Variants in KIF26B observed in about 807,000 individuals in gnomAD.
KIF26B encodes the protein kinesin family member 26B.
Under a neutral mutation model 151.2 loss-of-function variants are expected in KIF26B, and 63 were observed. The observed-to-expected ratio is 0.42, with a 90% CI of 0.34 to 0.51. KIF26B has a LOEUF of 0.51. Among genes scored for constraint, KIF26B ranks in the 20% least tolerant of loss-of-function variants. KIF26B has a pLI of 0.07. For synonymous variants in KIF26B, 1,357 were observed against 1,262.1 expected, an observed-to-expected ratio of 1.08 and a Z score of -1.59; for missense variants, 2,813 against 2,913.6, an observed-to-expected ratio of 0.97 and a Z score of 0.79.
intron 3 of KIF26B, among the ~76,000 whole-genome samples, chr1:245,418,701 C>CT (rs1024478700): frequency 1.3e-5 from 2 of 152,002 alleles, no homozygotes; most frequent in African/African-American, 4.8e-5. Flanking sequence ...TGACATTTTT[C>CT]TTTTTTTGCA....
rs1024391915 is a variant in KIF26B, at chr1:245,482,553, C to T, written c.1167-58214C>T. Among the ~76,000 whole-genome samples the T allele has an allele frequency of 6.6e-5, 10 of 151,730 alleles. 2 individuals are homozygous for T. Among genetic ancestry groups the T allele is most frequent in the African/African-American group, 9.7e-5 (4 of 41,388 alleles). On this transcript the variant is annotated intron_variant, in intron 4 of 14. Transcript: ENST00000407071. ...CTGAGAGCTTGGGGAAAAAGCTGCC[C>T]GAGGGTACCCTGCTTTGTGTGCATG...
At chr1:245,176,661 C>T (rs1445334525) in intron 2 of KIF26B, among the ~76,000 whole-genome samples, 1 of 152,210 alleles carries the variant, frequency 6.6e-6, no homozygotes, top group Non-Finnish European at 1.5e-5. Flanking sequence ...TTCTAGGAAA[C>T]TGTGGGTCAG....
At chr1:245,502,814 A>G (rs1003387107) in intron 4 of KIF26B, among the ~76,000 whole-genome samples, 2 of 151,930 alleles carry the variant, frequency 1.3e-5, no homozygotes, top group African/African-American at 4.8e-5. Flanking sequence ...ACAGGGGGAT[A>G]TCTCTGAAAA....
At position 245,352,764 on chromosome 1, in the gene KIF26B, G is replaced by A. The variant is rs1245365021; in HGVS notation, c.466-14070G>A. 6.6e-6 allele frequency among the ~76,000 whole-genome samples: 1 copy of A among 152,106 alleles called. No individual in the cohort carries two copies. The highest frequency in any genetic ancestry group is 1.9e-4 in the East Asian group (1 of 5,194). ...TTTGGGAATCTCAACTCCTGAGCCT[G>A]TCTTACTAGTACGGGTTCCCCAACC... On this transcript the variant is annotated intron_variant, in intron 2 of 14. Transcript: ENST00000407071. The surrounding 1 kb of genome is among the most constrained non-coding windows in gnomAD (Gnocchi z 5.0).
chr1:245,396,958 AC>A, intron 3 of KIF26B, among the ~76,000 whole-genome samples: 1 of 139,958 alleles, frequency 7.1e-6, no homozygotes, highest in Admixed American at 7.0e-5. Flanking sequence ...CTACATTTCT[AC>A]TCCTTTTTTT....
intron 3 of KIF26B, among the ~76,000 whole-genome samples, chr1:245,368,680 G>A (rs373332597): frequency 3.9e-5 from 6 of 152,088 alleles, no homozygotes; most frequent in African/African-American, 9.7e-5. Context: ...CACCAAATGC[G>A]TCACCATCTT....
chr1:245,463,715 C>T (rs1687086), intron 4 of KIF26B, among the ~76,000 whole-genome samples: 1 of 152,100 alleles, frequency 6.6e-6, no homozygotes, highest in Non-Finnish European at 1.5e-5. Context: ...CACCAAAGCC[C>T]GTCTGGATTG....
At chr1:245,673,191 C>A (rs80093343) in intron 10 of KIF26B, among the ~76,000 whole-genome samples, 26 of 104,134 alleles carry the variant, frequency 2.5e-4, no homozygotes, top group Non-Finnish European at 4.2e-4. Context: ...GCGCTGCCAT[C>A]TTAGGCCCAG....
chr1:245,482,026 G>C (rs1358400935), intron 4 of KIF26B, among the ~76,000 whole-genome samples: 1 of 151,760 alleles, frequency 6.6e-6, no homozygotes, highest in Non-Finnish European at 1.5e-5. Flanking sequence ...TTTGATTCTA[G>C]GAGATTTGAC....
At chr1:245,441,774 G>A (rs1659111370) in intron 4 of KIF26B, among the ~76,000 whole-genome samples, 1 of 152,182 alleles carries the variant, frequency 6.6e-6, no homozygotes, top group African/African-American at 2.4e-5. Context: ...ACATTCCCTG[G>A]AATTATACAG....
At chr1:245,701,390 T>C (rs189765969) in intron 14 of KIF26B, among the ~76,000 whole-genome samples, 284 of 152,316 alleles carry the variant, frequency 1.9e-3, no homozygotes, top group African/African-American at 6.5e-3. Context: ...GATGTGGTCA[T>C]AGAATGATGT....
chr1:245,577,455 TTCCACAATC>T lies in KIF26B; in HGVS notation c.1351-25117_1351-25109del, dbSNP rs1489041480. ...AGCTCAGAGAATTAGTCAAGAGCAC[TTCCACAATC>T]TCCAGGGAGAGAAGAGGGTTTAGGA... is the stretch of plus-strand genomic sequence containing the variant. On this transcript the variant is annotated intron_variant, in intron 5 of 14. Transcript: ENST00000407071. Among the ~76,000 whole-genome samples the T allele has an allele frequency of 3.9e-5, 6 of 152,346 alleles. No individual in the cohort carries two copies. The East Asian group carries it at 1.2e-3, about 29-fold the overall frequency.
intron 2 of KIF26B, among the ~76,000 whole-genome samples, chr1:245,235,504 G>GA (rs1018849416): frequency 6.6e-6 from 1 of 151,976 alleles, no homozygotes; most frequent in Non-Finnish European, 1.5e-5. Flanking sequence ...GAGGTGGGGG[G>GA]ATCGCTTGAG....
At chr1:245,309,716 T>C (rs1392794752) in intron 2 of KIF26B, among the ~76,000 whole-genome samples, 2 of 147,880 alleles carry the variant, frequency 1.4e-5, no homozygotes, top group Non-Finnish European at 3.0e-5. Context: ...ATATTAGGTA[T>C]ATTTTATATA....
intron 3 of KIF26B, among the ~76,000 whole-genome samples, chr1:245,395,585 G>T (rs960066593): frequency 1.3e-5 from 2 of 152,184 alleles, no homozygotes; most frequent in Admixed American, 6.5e-5. Context: ...GCGTGTGCCA[G>T]GGTGGGAGGA....
rs1672578665 is a variant in KIF26B, at chr1:245,352,032, G to A, written c.466-14802G>A. ...TGGAAAGCACTACATGAAAAAATGA[G>A]ATTTGAAAGTTTTAGAATGTGGCTG... is the stretch of plus-strand genomic sequence containing the variant. On this transcript the variant is annotated intron_variant, in intron 2 of 14. Coordinates refer to ENST00000407071, the MANE Select transcript of KIF26B (RefSeq NM_018012.4). The surrounding 1 kb of genome is among the most constrained non-coding windows in gnomAD (Gnocchi z 5.0). Among the ~76,000 whole-genome samples, 1 of 152,162 alleles carries A rather than the reference G, an allele frequency of 6.6e-6. No individual in the cohort carries two copies. The highest frequency in any genetic ancestry group is 2.4e-5 in the African/African-American group (1 of 41,436).
At chr1:245,436,335 G>C in intron 4 of KIF26B, among the ~76,000 whole-genome samples, 1 of 152,168 alleles carries the variant, frequency 6.6e-6, no homozygotes, top group South Asian at 2.1e-4. Context: ...GCTGGGTGAT[G>C]AACCACCCAG....
In KIF26B at chr1:245,167,481, T is replaced by G. The variant is rs2103520484; in HGVS notation, c.465+10798T>G. ...TTGCTTTCTTTGGGGTTATAATCAC[T>G]ACTTCCCAACCCTTCCTCCACCTAA... On this transcript the variant is annotated intron_variant, in intron 2 of 14. Transcript: ENST00000407071. The surrounding 1 kb of genome is among the most constrained non-coding windows in gnomAD (Gnocchi z 4.2). Among the ~76,000 whole-genome samples, 1 of 152,322 alleles carries G rather than the reference T, an allele frequency of 6.6e-6. No individual in the cohort carries two copies. The highest frequency in any genetic ancestry group is 2.1e-4 in the South Asian group (1 of 4,828).
intron 3 of KIF26B, chr1:245,370,445 T>G: frequency 3.5e-6 from 1 of 289,632 alleles, no homozygotes; most frequent in Non-Finnish European, 6.9e-6. Flanking sequence ...TAATTAGAAT[T>G]TAGGTCTTTG....
Sources: gnomAD v4.1 joint callset for allele counts (sites outside exome capture counted in the v4.1 genomes callset) on GRCh38, gnomAD v4.1.1 for gene constraint, Gnocchi (gnomAD v3.1) non-coding constraint, MANE v1.5 for transcripts, NCBI Gene and HGNC (gene_info 2026-07-23, HGNC 2026-07-21) for gene names.